Variants in RANBP2 observed in about 807,000 individuals in gnomAD.
The protein encoded by RANBP2 is RAN binding protein 2.
RANBP2 carries 57 observed loss-of-function variants against 303.6 expected under a neutral mutation model. That is an observed-to-expected ratio of 0.19 (90% CI 0.15 to 0.23). The LOEUF is 0.23. Ranked by LOEUF, RANBP2 falls within the 10% of genes least tolerant of loss-of-function variation. The pLI, the probability that RANBP2 is intolerant of heterozygous loss-of-function variation, is 1.00. For synonymous variants in RANBP2, 1,167 were observed against 1,301.5 expected (o/e 0.90, Z 2.23); for missense variants, 3,138 against 3,780.8 (o/e 0.83, Z 4.46).
At chr2:108,731,564 A>G in intron 4 of RANBP2, 90 bp downstream of exon 4, 1 of 1,596,802 alleles carries the variant, frequency 6.3e-7, no homozygotes, top group Non-Finnish European at 8.5e-7. Context: ...GCAAACCTTA[A>G]GCCCAGGTGT....
chr2:108,723,761 T>C (rs1470010480), intron 1 of RANBP2, among the ~76,000 whole-genome samples: 1 of 152,228 alleles, frequency 6.6e-6, no homozygotes, highest in South Asian at 2.1e-4. Flanking sequence ...TTGTTTTTCC[T>C]GGACTGAATA....
chr2:109,542,397 A>C, the RANBP2 span, among the ~76,000 whole-genome samples: 2 of 152,318 alleles, frequency 1.3e-5, no homozygotes, highest in African/African-American at 4.8e-5. Flanking sequence ...AGGCAGGTTT[A>C]TTACGTTCTT....
At chr2:108,773,503 C>T (rs1441632693) in intron 23 of RANBP2, among the ~76,000 whole-genome samples, 1 of 151,970 alleles carries the variant, frequency 6.6e-6, no homozygotes, top group Non-Finnish European at 1.5e-5. Flanking sequence ...CCAAAAGCTA[C>T]AAAACACTGA....
downstream of RANBP2, chr2:108,789,042 A>G (rs904840064): frequency 6.6e-7 from 1 of 1,521,256 alleles, no homozygotes; most frequent in African/African-American, 1.4e-5. Context: ...AGGGCAGGTT[A>G]TATTTTTGCT....
Position 108,768,340 on chromosome 2 carries a change from C to A in RANBP2, c.7801C>A (p.Pro2601Thr), listed in dbSNP as rs954017134. The A allele has an allele frequency of 8.1e-6, 13 of 1,611,820 alleles. No individual in the cohort carries two copies. Among genetic ancestry groups the A allele is most frequent in the Admixed American group, 1.7e-5 (1 of 59,998 alleles). The change falls in exon 20 of 29, where the codon CCA becomes ACA. Residue 2601 changes from proline to threonine, a missense_variant. Pro to Thr is a conservative substitution (Grantham distance 38). This residue lies in a region of RANBP2 where 497 missense variants were observed against 465.8 expected (regional missense o/e 1.07). Coordinates refer to ENST00000283195, the MANE Select transcript of RANBP2 (RefSeq NM_006267.5). ...SKVKNLFASF[P>T]TEESSINYTF... ...AGTCAAAAATCTCTTTGCTTCCTTT[C>A]CAACGGAAGAATCTTCAATCAACTA...
the RANBP2 span, among the ~76,000 whole-genome samples, chr2:108,872,352 C>G: frequency 1.3e-5 from 2 of 152,190 alleles, no homozygotes. Flanking sequence ...ACCACATACA[C>G]ATACCTCGGT....
At chr2:109,724,578 T>C in the RANBP2 span, among the ~76,000 whole-genome samples, 1 of 152,136 alleles carries the variant, frequency 6.6e-6, no homozygotes, top group African/African-American at 2.4e-5. Flanking sequence ...GGCTGGGTCT[T>C]AGGTGAGTTT....
chr2:109,620,417 T>C, the RANBP2 span, among the ~76,000 whole-genome samples: 1 of 152,060 alleles, frequency 6.6e-6, no homozygotes, highest in Non-Finnish European at 1.5e-5. Context: ...TATAAGAAAA[T>C]TTTGCTGGGC....
chr2:109,140,865 C>G, the RANBP2 span, among the ~76,000 whole-genome samples: 1 of 152,142 alleles, frequency 6.6e-6, no homozygotes, highest in African/African-American at 2.4e-5. Context: ...CAGTCTGGCC[C>G]CAGGGGTATC....
At chr2:109,500,556 G>A in the RANBP2 span, among the ~76,000 whole-genome samples, 1 of 152,190 alleles carries the variant, frequency 6.6e-6, no homozygotes, top group African/African-American at 2.4e-5. Context: ...AATGAGATGT[G>A]GGGAAAGTTG....
At position 108,764,958 on chromosome 2, in the gene RANBP2, A is replaced by G; in HGVS notation, c.4419A>G (p.Arg1473=). ...CTAAACCTATTAACAGTGATTTCAGATCTGTTTTTTCTACAAAGGAAGGAC... is the reference window on the plus strand; with the variant it reads ...CTAAACCTATTAACAGTGATTTCAGGTCTGTTTTTTCTACAAAGGAAGGAC... The part of the protein sequence containing the change: ...DLPKPINSDF[R]SVFSTKEGQW... Residue 1473 remains arginine, a synonymous_variant, in exon 20 of 29, where the codon AGA becomes AGG. Transcript: ENST00000283195. 6.2e-7 allele frequency: 1 copy of G among 1,614,062 alleles called. No individual in the cohort carries two copies. Among genetic ancestry groups the G allele is most frequent in the East Asian group, 2.2e-5 (1 of 44,882 alleles).
the RANBP2 span, among the ~76,000 whole-genome samples, chr2:109,000,811 C>A: frequency 1.3e-5 from 2 of 152,168 alleles, no homozygotes; most frequent in African/African-American, 4.8e-5. Flanking sequence ...TTATCCATCA[C>A]CTCATTGAGA....
chr2:109,330,230 C>T, the RANBP2 span, among the ~76,000 whole-genome samples: 3 of 152,204 alleles, frequency 2.0e-5, no homozygotes, highest in Non-Finnish European at 2.9e-5. Context: ...CTCCCCAACT[C>T]TGTGGGTTGC....
At chr2:109,495,427 A>T in the RANBP2 span, among the ~76,000 whole-genome samples, 1 of 149,514 alleles carries the variant, frequency 6.7e-6, no homozygotes, top group Non-Finnish European at 1.5e-5. Flanking sequence ...TTGAGTAGAC[A>T]GACACTCTGG....
chr2:109,619,009 A>C, the RANBP2 span: 4 of 167,044 alleles, frequency 2.4e-5, no homozygotes, highest in African/African-American at 7.2e-5. Flanking sequence ...TGAATTGTCT[A>C]AGTTTCTGTC....
chr2:108,813,056 TG>T, the RANBP2 span: 1 of 644,462 alleles, frequency 1.6e-6, no homozygotes, highest in South Asian at 1.9e-5. Context: ...GAGACCATCC[TG>T]GCCAACATGG....
At chr2:109,617,631 T>C in the RANBP2 span, 12 of 167,038 alleles carry the variant, frequency 7.2e-5, no homozygotes, top group African/African-American at 2.7e-4. Context: ...AATGAACCCA[T>C]GTGTGAACTG....
chr2:109,191,145 G>A, the RANBP2 span, among the ~76,000 whole-genome samples: 1 of 152,152 alleles, frequency 6.6e-6, no homozygotes, highest in Non-Finnish European at 1.5e-5. Flanking sequence ...GCCAATGAGA[G>A]TAGAGGGTCC....
chr2:109,041,469 TTATTTC>T, the RANBP2 span, among the ~76,000 whole-genome samples: 1 of 152,154 alleles, frequency 6.6e-6, no homozygotes, highest in African/African-American at 2.4e-5. Flanking sequence ...GATTAGCATG[TTATTTC>T]TATTTCTAGG....
Sources: allele counts gnomAD v4.1 joint callset (sites outside exome capture counted in the v4.1 genomes callset), GRCh38; gene constraint gnomAD v4.1.1; regional missense constraint gnomAD v4.1.1; transcripts MANE v1.5; gene names NCBI Gene and HGNC (gene_info 2026-07-23, HGNC 2026-07-21).